The following PYGL variants were observed in gnomAD, a reference collection of about 807,000 sequenced individuals.
PYGL encodes glycogen phosphorylase L.
A neutral mutation model predicts 100.1 loss-of-function variants in PYGL; 90 were observed. The ratio of observed to expected loss-of-function variants is 0.90; its 90% CI spans 0.76 to 1.07. The LOEUF (loss-of-function observed/expected upper bound fraction) is 1.07. PYGL is among the 50% of genes least tolerant of loss of function. PYGL has a pLI of 0.00. For synonymous variants in PYGL, 373 were observed against 393.0 expected (o/e 0.95, Z 0.60); for missense variants, 1,016 against 1,057.6 (o/e 0.96, Z 0.55).
intron 4 of PYGL, among the ~76,000 whole-genome samples, chr14:50,930,556 T>G (rs1378634354): frequency 1.3e-5 from 2 of 152,234 alleles, no homozygotes; most frequent in African/African-American, 4.8e-5. Flanking sequence ...CTGAGTCTTT[T>G]TCCTTGGCAC....
chr14:50,932,930 T>C (rs1262312949), intron 3 of PYGL, among the ~76,000 whole-genome samples: 3 of 152,136 alleles, frequency 2.0e-5, no homozygotes, highest in Non-Finnish European at 4.4e-5. Context: ...GGCTTTCAAG[T>C]TTTTCTTACA....
chr14:50,906,074 C>T (rs2050333206), intron 19 of PYGL, among the ~76,000 whole-genome samples: 1 of 152,172 alleles, frequency 6.6e-6, no homozygotes, highest in Non-Finnish European at 1.5e-5. Context: ...GATACGCACC[C>T]TAGTAGGCTT....
rs573377929 is a variant in PYGL at position 50,908,764 on chromosome 14, G to C, written c.2312+57C>G. 1.6e-4 allele frequency: 248 copies of C among 1,524,152 alleles called. No individual in the cohort carries two copies. In the African/African-American group the frequency reaches 3.1e-3, roughly 19 times the overall value. 94.4% of individuals were successfully genotyped at this position (1,524,152 alleles called of 1,614,324 possible). A position where few individuals can be genotyped will look rare whatever the true frequency, so the allele number is the denominator to read the frequency against. On this transcript the variant is annotated intron_variant, in intron 18 of 19. Coordinates refer to ENST00000216392, the MANE Select transcript of PYGL (RefSeq NM_002863.5). ...TTGGTTTTAGAGTTGGTTGGTTTAA[G>C]ATTTTCTTGTCCCCCTTTCATGATC...
intron 18 of PYGL, 136 bp downstream of exon 18, chr14:50,908,685 C>G: frequency 7.9e-7 from 1 of 1,267,266 alleles, no homozygotes; most frequent in Non-Finnish European, 1.1e-6. Context: ...CTAATCTATG[C>G]TAATCTACAT....
intron 4 of PYGL, among the ~76,000 whole-genome samples, chr14:50,930,394 A>G (rs144866839): frequency 6.6e-6 from 1 of 152,344 alleles, no homozygotes; most frequent in East Asian, 1.9e-4. Context: ...CTAAGTTGAC[A>G]TTAGGTCTCA....
At position 50,934,066 on chromosome 14, in the gene PYGL, A is replaced by C. The variant is rs113115100; in HGVS notation, c.424+1041T>G. ...TTATGTGTGTGCTTCTTTAGGGTAGATATCAAGTGGAATTACTTGGTTATA... is the reference window on the plus strand; with the variant it reads ...TTATGTGTGTGCTTCTTTAGGGTAGCTATCAAGTGGAATTACTTGGTTATA... On this transcript the variant is annotated intron_variant, in intron 3 of 19. Transcript: ENST00000216392. 1.2e-3 allele frequency among the ~76,000 whole-genome samples: 178 copies of C among 152,286 alleles called. 5 individuals are homozygous for C. The highest frequency in any genetic ancestry group is 3.9e-3 in the African/African-American group (162 of 41,556).
chr14:50,944,044 G>A (rs995398184), intron 1 of PYGL, 117 bp downstream of exon 1: 1 of 1,350,892 alleles, frequency 7.4e-7, no homozygotes. Context: ...TGGACTTCGG[G>A]GCAAGGACCG....
At position 50,911,750 on chromosome 14, in the gene PYGL, C is replaced by A. The variant is rs1566500880; in HGVS notation, c.1949G>T (p.Arg650Ile). ...AGTACCTTTTTCAGCAAGAGATACT[C>A]TGTAGTTCTCCAAGAAGATGACTTT... ...KLKVIFLENY[R>I]VSLAEKVIPA... The change falls in exon 16 of 20, where the codon AGA (arginine) becomes ATA (isoleucine). Residue 650 changes from arginine to isoleucine, a missense_variant. Physicochemically the swap from Arg to Ile is moderately conservative, Grantham distance 97. Coordinates refer to ENST00000216392, the MANE Select transcript of PYGL (RefSeq NM_002863.5). The A allele has an allele frequency of 1.2e-6, 2 of 1,614,064 alleles. No homozygotes were observed. The highest frequency in any genetic ancestry group is 2.7e-5 in the African/African-American group (2 of 74,928).
intron 2 of PYGL, among the ~76,000 whole-genome samples, chr14:50,935,682 T>C (rs1030589789): frequency 3.3e-5 from 5 of 152,156 alleles, no homozygotes; most frequent in African/African-American, 1.2e-4. Flanking sequence ...TGATATTAAT[T>C]GGACTGAGGG....
At chr14:50,909,259 A>G (rs1356703862) in intron 17 of PYGL, among the ~76,000 whole-genome samples, 1 of 152,202 alleles carries the variant, frequency 6.6e-6, no homozygotes, top group Non-Finnish European at 1.5e-5. Context: ...AGCAGACTTT[A>G]TGGCTTTAAA....
At position 50,908,816 on chromosome 14, in the gene PYGL, C is replaced by T; in HGVS notation, c.2312+5G>A. On this transcript the variant is annotated splice_donor_5th_base_variant and intron_variant, in intron 18 of 19. Coordinates refer to ENST00000216392, the MANE Select transcript of PYGL (RefSeq NM_002863.5). ...AAATAGCACCATCTTCTTATGGGAA[C>T]TCACCTGTCATGATAAAATAGCATG... 1 of 1,560,912 alleles carries T rather than the reference C, an allele frequency of 6.4e-7. No homozygotes were observed. Among genetic ancestry groups the T allele is most frequent in the African/African-American group, 1.4e-5 (1 of 73,732 alleles).
At chr14:50,928,485 C>T (rs2050574847) in intron 4 of PYGL, among the ~76,000 whole-genome samples, 1 of 152,068 alleles carries the variant, frequency 6.6e-6, no homozygotes, top group Non-Finnish European at 1.5e-5. Flanking sequence ...ACTGTGAGTG[C>T]CTTTCCACCC....
intron 1 of PYGL, among the ~76,000 whole-genome samples, chr14:50,943,835 A>G (rs2050722670): frequency 6.6e-6 from 1 of 152,236 alleles, no homozygotes; most frequent in Non-Finnish European, 1.5e-5. Flanking sequence ...GCTGAGAGTC[A>G]AAGTTCCAAA....
chr14:50,938,293 C>A (rs1385706351), intron 1 of PYGL, among the ~76,000 whole-genome samples: 1 of 152,214 alleles, frequency 6.6e-6, no homozygotes, highest in East Asian at 1.9e-4. Flanking sequence ...TCACTGCAAC[C>A]TCTACCTCCT....
intron 2 of PYGL, 65 bp downstream of exon 2, chr14:50,937,671 C>T: frequency 1.4e-6 from 2 of 1,468,944 alleles, no homozygotes; most frequent in Non-Finnish European, 1.9e-6. Context: ...GCAATGTCCC[C>T]AAGTTTCCTG....
chr14:50,928,262 G>C (rs979961874), intron 4 of PYGL, among the ~76,000 whole-genome samples: 1 of 152,218 alleles, frequency 6.6e-6, no homozygotes, highest in Non-Finnish European at 1.5e-5. Context: ...CAAAGAACCA[G>C]TGAACAGTCA....
chr14:50,914,520 T>TAAA lies in PYGL; in HGVS notation c.1518+178_1518+180dup, dbSNP rs530944161. The stretch of plus-strand genomic sequence containing the variant: ...TCAATAATAATAATAATAATAATAA[T>TAAA]AAATAATTTCAAGATGACTACAGCA... On this transcript the variant is annotated intron_variant, in intron 12 of 19. Coordinates refer to ENST00000216392, the MANE Select transcript of PYGL (RefSeq NM_002863.5). Among the ~76,000 whole-genome samples the TAAA allele has an allele frequency of 3.6e-4, 54 of 150,606 alleles. No individual in the cohort carries two copies. The East Asian group carries it at 7.0e-3, about 20-fold the overall frequency.
intron 1 of PYGL, among the ~76,000 whole-genome samples, chr14:50,941,056 GA>G (rs1244464998): frequency 5.9e-5 from 9 of 152,198 alleles, no homozygotes; most frequent in Non-Finnish European, 1.0e-4. Context: ...CCTGGACTGA[GA>G]AGTGCTTTCG....
chr14:50,910,841 C>G (rs2050389056), intron 16 of PYGL, among the ~76,000 whole-genome samples: 2 of 152,208 alleles, frequency 1.3e-5, no homozygotes. Flanking sequence ...GGCTAGACAT[C>G]TAGCCTCTGA....
Sources: allele counts gnomAD v4.1 joint callset (sites outside exome capture counted in the v4.1 genomes callset), GRCh38; gene constraint gnomAD v4.1.1; transcripts MANE v1.5; gene names NCBI Gene and HGNC (gene_info 2026-07-23, HGNC 2026-07-21).